The following EYA4 variants were observed in gnomAD, a reference collection of about 807,000 sequenced individuals.
EYA4 encodes EYA transcriptional coactivator and phosphatase 4.
In EYA4, 31 loss-of-function variants were observed where a neutral mutation model predicts 87.9. That is an observed-to-expected ratio of 0.35 (90% CI 0.27 to 0.48). The LOEUF (loss-of-function observed/expected upper bound fraction) is 0.48, where lower values mean the gene tolerates loss of function less well. EYA4 is among the 20% of genes least tolerant of loss of function. The pLI is 0.99. For missense variants in EYA4, 678 were observed against 761.4 expected (o/e 0.89, Z 1.29); for synonymous variants, 263 against 270.6 (o/e 0.97, Z 0.28).
chr6:133,347,908 A>G (rs1054737279), intron 2 of EYA4, among the ~76,000 whole-genome samples: 1 of 152,178 alleles, frequency 6.6e-6, no homozygotes, highest in African/African-American at 2.4e-5. Context: ...TTCAGTAAGC[A>G]TTTCCTGGCT....
intron 17 of EYA4, among the ~76,000 whole-genome samples, 179 bp downstream of exon 17, chr6:133,515,614 T>TGTGA (rs1799525344): frequency 9.6e-6 from 1 of 103,748 alleles, no homozygotes; most frequent in Non-Finnish European, 1.8e-5. Context: ...AGAGAGAGTG[T>TGTGA]GTGTGTGAGT....
chr6:133,268,981 G>A (rs1294778626), intron 1 of EYA4, among the ~76,000 whole-genome samples: 1 of 152,016 alleles, frequency 6.6e-6, no homozygotes, highest in African/African-American at 2.4e-5. Flanking sequence ...ACTGCTGGCT[G>A]GGCATGGTGG....
At position 133,523,190 on chromosome 6, in the gene EYA4, T is replaced by A. The variant is rs1397253002; in HGVS notation, c.1738+13T>A. 2 of 1,610,642 alleles carry A rather than the reference T, an allele frequency of 1.2e-6. No individual in the cohort carries two copies. Among genetic ancestry groups the A allele is most frequent in the African/African-American group, 2.7e-5 (2 of 74,818 alleles). ...GCAACTAAAATAGGTAAGGAAATTA[T>A]TTTAAACTCTGTATGGAATGTGTCC... On this transcript the variant is annotated intron_variant, in intron 18 of 19. Coordinates refer to ENST00000355286, the MANE Select transcript of EYA4 (RefSeq NM_004100.5).
chr6:133,518,843 C>T (rs1171850233), intron 17 of EYA4, among the ~76,000 whole-genome samples: 1 of 152,088 alleles, frequency 6.6e-6, no homozygotes, highest in Non-Finnish European at 1.5e-5. Flanking sequence ...TTAAGAATCT[C>T]ACTCGAAACC....
Position 133,512,980 on chromosome 6 carries a change from G to A in EYA4, c.1443G>A (p.Leu481=), listed in dbSNP as rs970046822. The change falls in exon 16 of 20, where the codon TTG becomes TTA. Residue 481 remains leucine (L), a synonymous_variant. Transcript: ENST00000355286. ...GAGGGGTTGACTGGATGAGGAAGTT[G>A]GCTTTTCGTTACAGAAGAGTAAAAG... ...VRGGVDWMRK[L]AFRYRRVKEL... 2 of 1,613,980 alleles carry A rather than the reference G, an allele frequency of 1.2e-6. No individual in the cohort carries two copies. Among genetic ancestry groups the A allele is most frequent in the South Asian group, 2.2e-5 (2 of 91,068 alleles).
At chr6:133,469,362 T>C (rs1219966651) in intron 11 of EYA4, among the ~76,000 whole-genome samples, 1 of 152,052 alleles carries the variant, frequency 6.6e-6, no homozygotes, top group Non-Finnish European at 1.5e-5. Context: ...GAGGTGATTC[T>C]AAAATCACAA....
intron 4 of EYA4, 114 bp from the exon 5 acceptor site, chr6:133,447,997 A>G: frequency 1.3e-6 from 1 of 754,262 alleles, no homozygotes; most frequent in Middle Eastern, 2.4e-4. Flanking sequence ...GAAGTCATAC[A>G]GTGCAGTTAT....
chr6:133,283,685 A>G (rs553940638), intron 2 of EYA4, among the ~76,000 whole-genome samples: 11 of 152,246 alleles, frequency 7.2e-5, no homozygotes, highest in African/African-American at 2.6e-4. Context: ...GTTTTTTTAA[A>G]TATGTAAGTT....
chr6:133,375,020 C>G (rs1262396557), intron 2 of EYA4, among the ~76,000 whole-genome samples: 1 of 151,856 alleles, frequency 6.6e-6, no homozygotes, highest in Non-Finnish European at 1.5e-5. Flanking sequence ...TTTTAAAACT[C>G]TTGGTGACAA....
chr6:133,311,356 C>G (rs559857360), intron 2 of EYA4, among the ~76,000 whole-genome samples: 6 of 152,230 alleles, frequency 3.9e-5, no homozygotes, highest in African/African-American at 1.4e-4. Flanking sequence ...GACAGGGTCT[C>G]ATGCTGTTGC....
At chr6:133,438,321 G>T (rs553610553) in intron 3 of EYA4, among the ~76,000 whole-genome samples, 2 of 151,168 alleles carry the variant, frequency 1.3e-5, no homozygotes, top group South Asian at 4.2e-4. Flanking sequence ...TTTTTCAGGG[G>T]TAACATTTTC....
upstream of EYA4, among the ~76,000 whole-genome samples, chr6:133,241,108 C>A (rs1344943748): frequency 7.0e-6 from 1 of 143,786 alleles, no homozygotes; most frequent in Non-Finnish European, 1.5e-5. Flanking sequence ...TCCAGGGCCC[C>A]GAGGCCCTGG....
intron 3 of EYA4, among the ~76,000 whole-genome samples, chr6:133,435,990 G>A (rs1403183305): frequency 1.3e-5 from 2 of 152,080 alleles, no homozygotes. Context: ...GGAGGCTGAG[G>A]CAGTTGGATC....
chr6:133,311,048 C>G (rs1301971396), intron 2 of EYA4, among the ~76,000 whole-genome samples: 1 of 152,144 alleles, frequency 6.6e-6, no homozygotes, highest in Non-Finnish European at 1.5e-5. Context: ...CAAGCCTAAA[C>G]CTAGGTTTCA....
rs115706362 is a variant in EYA4 at position 133,455,857 on chromosome 6, A to G, written c.278-699A>G. On this transcript the variant is annotated intron_variant, in intron 5 of 19. Transcript: ENST00000355286. ...TCTAATAATGATAATAATGTGTACTAGGCCACTTTGTTACCAAGCAAAGAT... is the reference window on the plus strand; with the variant it reads ...TCTAATAATGATAATAATGTGTACTGGGCCACTTTGTTACCAAGCAAAGAT... Among the ~76,000 whole-genome samples the G allele has an allele frequency of 5.0e-3, 754 of 152,280 alleles. 3 individuals are homozygous for G. Among genetic ancestry groups the G allele is most frequent in the African/African-American group, 0.016 (679 of 41,566 alleles).
At chr6:133,275,423 C>T (rs1777082860) in intron 2 of EYA4, among the ~76,000 whole-genome samples, 1 of 152,130 alleles carries the variant, frequency 6.6e-6, no homozygotes, top group African/African-American at 2.4e-5. Context: ...TTCCCTCACA[C>T]CCCCACGCCT....
At chr6:133,454,016 A>G (rs931365837) in intron 5 of EYA4, among the ~76,000 whole-genome samples, 3 of 152,146 alleles carry the variant, frequency 2.0e-5, no homozygotes, top group East Asian at 1.9e-4. Context: ...TGAAGAGATT[A>G]TAATCAAAAT....
intron 1 of EYA4, among the ~76,000 whole-genome samples, chr6:133,272,920 G>A (rs1034068478): frequency 6.6e-6 from 1 of 151,910 alleles, no homozygotes; most frequent in Admixed American, 6.6e-5. Flanking sequence ...CATAGAGCTA[G>A]GCGTGGAATA....
At chr6:133,391,614 G>A (rs1329194928) in intron 3 of EYA4, among the ~76,000 whole-genome samples, 1 of 152,064 alleles carries the variant, frequency 6.6e-6, no homozygotes, top group Non-Finnish European at 1.5e-5. Flanking sequence ...GACTTCTTTA[G>A]CCACCTAGAT....
Sources: allele counts gnomAD v4.1 joint callset (sites outside exome capture counted in the v4.1 genomes callset), GRCh38; gene constraint gnomAD v4.1.1; transcripts MANE v1.5; gene names NCBI Gene and HGNC (gene_info 2026-07-23, HGNC 2026-07-21).